ELMO1: variants seen among roughly 807,000 people sequenced by gnomAD.
The protein encoded by ELMO1 is engulfment and cell motility 1, also known as engulfment and cell motility protein 1.
In ELMO1, 26 loss-of-function variants were observed where a neutral mutation model predicts 98.9. The observed-to-expected ratio is 0.26, with a 90% confidence interval of 0.19 to 0.36. The LOEUF (loss-of-function observed/expected upper bound fraction) is 0.36. ELMO1 is among the 10% of genes least tolerant of loss of function. ELMO1 has a pLI of 1.00. For missense variants in ELMO1, 627 were observed against 935.2 expected, an observed-to-expected ratio of 0.67 and a Z score of 4.30; for synonymous variants, 346 against 346.0, an observed-to-expected ratio of 1.00 and a Z score of 0.00.
intron 20 of ELMO1, among the ~76,000 whole-genome samples, chr7:36,862,596 C>A (rs767100751): frequency 6.6e-6 from 1 of 152,184 alleles, no homozygotes; most frequent in Non-Finnish European, 1.5e-5. Flanking sequence ...GTGGTCTGAG[C>A]GGTCAGCAGA....
At chr7:37,373,497 T>C (rs1374477005) in intron 1 of ELMO1, among the ~76,000 whole-genome samples, 1 of 151,786 alleles carries the variant, frequency 6.6e-6, no homozygotes, top group Non-Finnish European at 1.5e-5. Flanking sequence ...TAATCCCAGC[T>C]ACTCAGGAGG....
At chr7:37,121,377 A>T (rs1786022642) in intron 14 of ELMO1, among the ~76,000 whole-genome samples, 1 of 152,202 alleles carries the variant, frequency 6.6e-6, no homozygotes, top group South Asian at 2.1e-4. Context: ...AAAACCTCAA[A>T]AAAAGATTAG....
intron 4 of ELMO1, among the ~76,000 whole-genome samples, chr7:37,292,160 G>A (rs1296188860): frequency 1.7e-5 from 2 of 119,594 alleles, no homozygotes; most frequent in African/African-American, 2.7e-5. Flanking sequence ...GTGTTGGCCG[G>A]GCTGGTCTCC....
intron 4 of ELMO1, among the ~76,000 whole-genome samples, chr7:37,302,458 C>G (rs1312551710): frequency 6.6e-6 from 1 of 152,108 alleles, no homozygotes; most frequent in African/African-American, 2.4e-5. Context: ...CTTGTTGGAA[C>G]TCCTTCTCAG....
chr7:37,059,055 G>GT (rs1796536628), intron 15 of ELMO1, among the ~76,000 whole-genome samples: 1 of 152,186 alleles, frequency 6.6e-6, no homozygotes, highest in South Asian at 2.1e-4. Context: ...AGGTCTCCCT[G>GT]TGGTTAGAGT....
intron 14 of ELMO1, among the ~76,000 whole-genome samples, chr7:37,099,420 A>C (rs1784525229): frequency 6.6e-6 from 1 of 152,254 alleles, no homozygotes; most frequent in Non-Finnish European, 1.5e-5. Flanking sequence ...TCTGATATTA[A>C]CCATGTCCAT....
chr7:36,907,491 G>A (rs1784048297), intron 16 of ELMO1, among the ~76,000 whole-genome samples: 1 of 152,180 alleles, frequency 6.6e-6, no homozygotes, highest in Non-Finnish European at 1.5e-5. Context: ...ACAGCCCAGA[G>A]TGCCCTGACT....
intron 13 of ELMO1, among the ~76,000 whole-genome samples, chr7:37,139,270 G>T (rs939948811): frequency 6.6e-6 from 1 of 152,292 alleles, no homozygotes; most frequent in East Asian, 1.9e-4. Flanking sequence ...CAATAAAGAG[G>T]AAGTCAAATT....
At chr7:37,095,895 T>A (rs1360252650) in intron 15 of ELMO1, among the ~76,000 whole-genome samples, 1 of 152,236 alleles carries the variant, frequency 6.6e-6, no homozygotes, top group Non-Finnish European at 1.5e-5. Flanking sequence ...ATATGTGTGC[T>A]GGCTTCTAGA....
intron 16 of ELMO1, among the ~76,000 whole-genome samples, chr7:37,010,282 C>T (rs1250228844): frequency 6.6e-6 from 1 of 152,210 alleles, no homozygotes; most frequent in Non-Finnish European, 1.5e-5. Flanking sequence ...AAATCAAATA[C>T]ACACTGGAAA....
At chr7:37,399,209 G>A (rs1292490286) in intron 1 of ELMO1, among the ~76,000 whole-genome samples, 2 of 152,234 alleles carry the variant, frequency 1.3e-5, no homozygotes, top group Non-Finnish European at 2.9e-5. Context: ...CATGAGGGCT[G>A]GGACCACGTC....
chr7:37,383,151 A>G (rs967811988), intron 1 of ELMO1, among the ~76,000 whole-genome samples: 1 of 152,234 alleles, frequency 6.6e-6, no homozygotes, highest in African/African-American at 2.4e-5. Flanking sequence ...AATTATCCCA[A>G]TAATGTCCTT....
intron 18 of ELMO1, among the ~76,000 whole-genome samples, chr7:36,879,873 T>C (rs962935269): frequency 6.6e-6 from 1 of 152,266 alleles, no homozygotes; most frequent in African/African-American, 2.4e-5. Context: ...AGTTATTCTC[T>C]GAGTAATTCA....
At chr7:37,230,513 G>A (rs1200512221) in intron 8 of ELMO1, among the ~76,000 whole-genome samples, 4 of 152,098 alleles carry the variant, frequency 2.6e-5, no homozygotes, top group East Asian at 1.9e-4. Flanking sequence ...ATTCAACCTC[G>A]GCAAGCCACT....
At chr7:36,972,308 G>T (rs931861985) in intron 16 of ELMO1, among the ~76,000 whole-genome samples, 1 of 152,124 alleles carries the variant, frequency 6.6e-6, no homozygotes, top group Admixed American at 6.6e-5. Flanking sequence ...ATGCCATGTC[G>T]CAATTTCAAA....
At chr7:37,246,792 A>G (rs1248936099) in intron 6 of ELMO1, among the ~76,000 whole-genome samples, 1 of 151,508 alleles carries the variant, frequency 6.6e-6, no homozygotes, top group Admixed American at 6.6e-5. Context: ...AGATAGATAA[A>G]CAGACAGATA....
At chr7:37,448,368 T>G (rs1306730381) in intron 1 of ELMO1, among the ~76,000 whole-genome samples, 2 of 149,924 alleles carry the variant, frequency 1.3e-5, no homozygotes, top group Non-Finnish European at 3.0e-5. Context: ...GCCCTGCGCT[T>G]CATCCGCGGG....
intron 16 of ELMO1, among the ~76,000 whole-genome samples, chr7:36,945,229 T>C (rs1787376554): frequency 6.6e-6 from 1 of 152,236 alleles, no homozygotes; most frequent in Non-Finnish European, 1.5e-5. Context: ...TTGTAGGATA[T>C]AAAATAAGTT....
chr7:36,942,300 G>A (rs1427720284), intron 16 of ELMO1, among the ~76,000 whole-genome samples: 2 of 152,138 alleles, frequency 1.3e-5, no homozygotes, highest in Admixed American at 6.6e-5. Flanking sequence ...TATCTAGAAC[G>A]TCTTTCCTCT....
Sources: gnomAD v4.1 joint callset for allele counts (sites outside exome capture counted in the v4.1 genomes callset) on GRCh38, gnomAD v4.1.1 for gene constraint, MANE v1.5 for transcripts, NCBI Gene and HGNC (gene_info 2026-07-23, HGNC 2026-07-21) for gene names.